Variants in GAS7 observed in about 807,000 individuals in gnomAD.
GAS7 encodes growth arrest specific 7.
A neutral mutation model predicts 71.1 loss-of-function variants in GAS7; 28 were observed. That is an observed-to-expected ratio of 0.39 (90% confidence interval 0.29 to 0.54). The LOEUF is 0.54. GAS7 is among the 20% of genes least tolerant of loss of function. GAS7 has a pLI of 0.62. For missense variants in GAS7, 436 were observed against 627.8 expected (o/e 0.69, Z 3.27); for synonymous variants, 258 against 245.8 (o/e 1.05, Z -0.46).
At chr17:10,014,395 C>A (rs1457232352) in intron 2 of GAS7, among the ~76,000 whole-genome samples, 1 of 152,224 alleles carries the variant, frequency 6.6e-6, no homozygotes, top group African/African-American at 2.4e-5. Flanking sequence ...AGCAGCCTTG[C>A]CACAATATTC....
At chr17:10,186,185 C>G (rs2074451700) in intron 1 of GAS7, among the ~76,000 whole-genome samples, 1 of 151,672 alleles carries the variant, frequency 6.6e-6, no homozygotes, top group African/African-American at 2.4e-5. Flanking sequence ...TCTCGATCTC[C>G]TGATCTTGTG....
At chr17:9,970,854 G>A (rs546309396) in intron 3 of GAS7, among the ~76,000 whole-genome samples, 105 of 152,100 alleles carry the variant, frequency 6.9e-4, no homozygotes, top group African/African-American at 2.4e-3. Flanking sequence ...GCCGCTACAC[G>A]CACGCTCCTG....
At chr17:10,084,621 C>A (rs2073496769) in intron 1 of GAS7, among the ~76,000 whole-genome samples, 1 of 152,128 alleles carries the variant, frequency 6.6e-6, no homozygotes, top group Non-Finnish European at 1.5e-5. Flanking sequence ...CACCTGCCAC[C>A]ACACCTGGCT....
intron 1 of GAS7, among the ~76,000 whole-genome samples, chr17:10,114,146 T>C (rs546909497): frequency 1.8e-3 from 271 of 152,168 alleles, no homozygotes; most frequent in Non-Finnish European, 3.1e-3. Context: ...CAGGCTGATC[T>C]CAAACTCCTG....
At chr17:9,993,931 T>C (rs2070939224) in intron 2 of GAS7, among the ~76,000 whole-genome samples, 4 of 152,092 alleles carry the variant, frequency 2.6e-5, no homozygotes, top group South Asian at 2.1e-4. Flanking sequence ...CCACTCACAA[T>C]TGCTTCAAAG....
chr17:10,169,979 G>A (rs984528092), intron 1 of GAS7, among the ~76,000 whole-genome samples: 3 of 151,920 alleles, frequency 2.0e-5, no homozygotes, highest in African/African-American at 7.3e-5. Context: ...CTTGAAACTC[G>A]CTTTGAGTTC....
At chr17:10,126,599 C>T (rs1335897529) in intron 1 of GAS7, among the ~76,000 whole-genome samples, 2 of 152,042 alleles carry the variant, frequency 1.3e-5, no homozygotes, top group Non-Finnish European at 2.9e-5. Context: ...CACACACACA[C>T]GCTCACACAC....
At position 10,133,123 on chromosome 17, in the gene GAS7, T is replaced by TA. The variant is rs770717224; in HGVS notation, c.183+65084_183+65085insT. On this transcript the variant is annotated intron_variant, in intron 1 of 13. Transcript: ENST00000432992. Reference sequence around the variant, plus strand: ...TATAATTAGATTATATATTTTTATATTTTTTTTTTTTCTTTTTTGAGATGG... The same window carrying TA: ...TATAATTAGATTATATATTTTTATATATTTTTTTTTTTCTTTTTTGAGATGG... Among the ~76,000 whole-genome samples the TA allele has an allele frequency of 1.2e-3, 151 of 129,284 alleles. 2 individuals are homozygous for TA. In the East Asian group the frequency reaches 0.019, roughly 16 times the overall value. 84.8% of individuals were successfully genotyped at this position (129,284 alleles called of 152,430 possible). A position where few individuals can be genotyped will look rare whatever the true frequency, so the allele number is the denominator to read the frequency against.
At chr17:10,089,443 T>A (rs1298968756) in intron 1 of GAS7, among the ~76,000 whole-genome samples, 4 of 151,418 alleles carry the variant, frequency 2.6e-5, no homozygotes, top group African/African-American at 7.3e-5. Flanking sequence ...AACCACCTGC[T>A]CCGGGCAAGC....
At chr17:9,961,146 T>C (rs905528073) in intron 4 of GAS7, among the ~76,000 whole-genome samples, 2 of 152,222 alleles carry the variant, frequency 1.3e-5, no homozygotes, top group African/African-American at 4.8e-5. Context: ...GAGGTACCTC[T>C]ACTTATGGCA....
chr17:10,137,356 A>T (rs901603640), intron 1 of GAS7, among the ~76,000 whole-genome samples: 1 of 150,128 alleles, frequency 6.7e-6, no homozygotes, highest in African/African-American at 2.5e-5. Context: ...CTTCCCCACA[A>T]CCTGCCCCCC....
intron 4 of GAS7, among the ~76,000 whole-genome samples, chr17:9,960,192 CTTTTTTT>C (rs778589790): frequency 7.0e-6 from 1 of 143,028 alleles, no homozygotes; most frequent in Non-Finnish European, 1.5e-5. Context: ...TGACCTTATT[CTTTTTTT>C]TTTTTTTTAA....
At chr17:10,196,428 T>C (rs2074541038) in intron 1 of GAS7, among the ~76,000 whole-genome samples, 1 of 152,158 alleles carries the variant, frequency 6.6e-6, no homozygotes, top group Non-Finnish European at 1.5e-5. Flanking sequence ...GATGGATGCT[T>C]CTGTTGCAAG....
At chr17:9,991,329 C>T (rs1401824090) in intron 2 of GAS7, among the ~76,000 whole-genome samples, 2 of 152,156 alleles carry the variant, frequency 1.3e-5, no homozygotes, top group East Asian at 3.9e-4. Flanking sequence ...GGAAACATCA[C>T]TATGAGTGGT....
chr17:10,121,217 C>T (rs1030917813), intron 1 of GAS7, among the ~76,000 whole-genome samples: 1 of 152,094 alleles, frequency 6.6e-6, no homozygotes, highest in Non-Finnish European at 1.5e-5. Flanking sequence ...CCCGTCTCTA[C>T]TAAAAATACA....
intron 1 of GAS7, among the ~76,000 whole-genome samples, chr17:10,194,513 T>A (rs1320856540): frequency 1.3e-5 from 2 of 152,208 alleles, no homozygotes; most frequent in African/African-American, 4.8e-5. Context: ...GAGCTATTTC[T>A]CAGCCTTGAT....
At chr17:9,970,852 A>G (rs868171511) in intron 3 of GAS7, among the ~76,000 whole-genome samples, 1 of 152,120 alleles carries the variant, frequency 6.6e-6, no homozygotes, top group Non-Finnish European at 1.5e-5. Context: ...ACGCCGCTAC[A>G]CGCACGCTCC....
rs1445561443 is a variant in GAS7 at position 10,029,631 on chromosome 17, A to C, written c.184-9734T>G. 2.0e-5 allele frequency among the ~76,000 whole-genome samples: 3 copies of C among 152,018 alleles called. No individual in the cohort carries two copies. In the East Asian group the frequency reaches 5.8e-4, roughly 29 times the overall value. On this transcript the variant is annotated intron_variant, in intron 1 of 13. Transcript: ENST00000432992. ...TATTTTGGGAGTCCAAGGTAGGGGG[A>C]TCACTTGAGCCCAGGAGTTTAAGAC...
Position 10,136,426 on chromosome 17 carries a change from TG to T in GAS7, c.183+61781del, listed in dbSNP as rs1207415422. On this transcript the variant is annotated intron_variant, in intron 1 of 13. Coordinates refer to ENST00000432992, the MANE Select transcript of GAS7 (RefSeq NM_201433.2). ...TCCCAACTCCGCATCAACGGTGCTG[TG>T]GAAAAGGCAAGCCAGATTTTCCAGA... Among the ~76,000 whole-genome samples, 11 of 152,178 alleles carry T rather than the reference TG, an allele frequency of 7.2e-5. 1 individual carries two copies. Among genetic ancestry groups the T allele is most frequent in the African/African-American group, 2.7e-4 (11 of 41,434 alleles).
Sources: allele counts gnomAD v4.1 joint callset (sites outside exome capture counted in the v4.1 genomes callset), GRCh38; gene constraint gnomAD v4.1.1; transcripts MANE v1.5; gene names NCBI Gene and HGNC (gene_info 2026-07-23, HGNC 2026-07-21).